Variants in SORCS3 observed in about 807,000 individuals in gnomAD.
The protein encoded by SORCS3 is VPS10 domain-containing receptor SorCS3.
A neutral mutation model predicts 146.3 loss-of-function variants in SORCS3; 57 were observed. The observed-to-expected ratio is 0.39, with a 90% CI of 0.31 to 0.49. SORCS3 has a LOEUF of 0.49. SORCS3 is among the 20% of genes least tolerant of loss of function. The pLI is 0.92. For missense variants in SORCS3, 1,341 were observed against 1,575.5 expected (o/e 0.85, Z 2.52); for synonymous variants, 653 against 618.5 (o/e 1.06, Z -0.83).
intron 11 of SORCS3, among the ~76,000 whole-genome samples, chr10:105,162,449 CCTT>C (rs1433800240): frequency 6.6e-6 from 1 of 152,198 alleles, no homozygotes; most frequent in Non-Finnish European, 1.5e-5. Context: ...TTCAAATCCT[CCTT>C]CTCTGACACC....
At chr10:105,079,259 C>T (rs1166488053) in intron 5 of SORCS3, among the ~76,000 whole-genome samples, 3 of 152,296 alleles carry the variant, frequency 2.0e-5, no homozygotes, top group Non-Finnish European at 2.9e-5. Context: ...CCAATTACTC[C>T]AGGATTTCTG....
At chr10:104,986,045 A>C (rs576471989) in intron 4 of SORCS3, among the ~76,000 whole-genome samples, 2 of 152,308 alleles carry the variant, frequency 1.3e-5, no homozygotes, top group Admixed American at 1.3e-4. Flanking sequence ...GAAGCTTTGA[A>C]GCCAGGCATT....
chr10:104,861,467 C>G (rs1402301245), intron 2 of SORCS3, among the ~76,000 whole-genome samples: 1 of 152,188 alleles, frequency 6.6e-6, no homozygotes, highest in East Asian at 1.9e-4. Flanking sequence ...CATGTTCTGC[C>G]TATGAGGGCT....
At chr10:105,185,173 C>T (rs2056467301) in intron 14 of SORCS3, among the ~76,000 whole-genome samples, 1 of 152,110 alleles carries the variant, frequency 6.6e-6, no homozygotes, top group Non-Finnish European at 1.5e-5. Flanking sequence ...ATAAAAAACA[C>T]TCCTCATTTC....
At chr10:104,643,666 G>A (rs1173926415) in intron 1 of SORCS3, among the ~76,000 whole-genome samples, 2 of 151,552 alleles carry the variant, frequency 1.3e-5, no homozygotes, top group Non-Finnish European at 2.9e-5. Flanking sequence ...TTCTCTGACA[G>A]CAGGGGTTGT....
At chr10:104,869,512 C>T (rs150911525) in intron 2 of SORCS3, among the ~76,000 whole-genome samples, 1 of 152,312 alleles carries the variant, frequency 6.6e-6, no homozygotes, top group African/African-American at 2.4e-5. Context: ...CCCTTACAGA[C>T]ACACTCAGAA....
intron 20 of SORCS3, among the ~76,000 whole-genome samples, chr10:105,245,066 C>A (rs1290194118): frequency 0.012 from 1,159 of 98,906 alleles, no homozygotes; most frequent in African/African-American, 0.017. Context: ...AAGACTCTGT[C>A]AAAAAAAAAA....
At chr10:105,171,240 C>T (rs7091373) in intron 13 of SORCS3, among the ~76,000 whole-genome samples, 32,968 of 152,062 alleles carry the variant, frequency 0.22, 3,633 homozygotes, top group African/African-American at 0.25. Flanking sequence ...TAGGCGTGAA[C>T]GCAAAACAGC....
chr10:104,887,034 G>A (rs2018695945), intron 2 of SORCS3, among the ~76,000 whole-genome samples: 1 of 152,206 alleles, frequency 6.6e-6, no homozygotes, highest in African/African-American at 2.4e-5. Flanking sequence ...TGAATATCTT[G>A]CTAAAGTATA....
intron 20 of SORCS3, among the ~76,000 whole-genome samples, chr10:105,230,411 G>A (rs1314784073): frequency 6.6e-6 from 1 of 152,114 alleles, no homozygotes; most frequent in Non-Finnish European, 1.5e-5. Context: ...GCTTTTAGTG[G>A]CAGCCATAGT....
At chr10:104,822,225 T>C in intron 1 of SORCS3, 1 of 392,712 alleles carries the variant, frequency 2.5e-6, no homozygotes. Context: ...TTTCTTATCA[T>C]GGAGGGAGAT....
At chr10:104,952,254 TGAA>T (rs1405797163) in intron 3 of SORCS3, among the ~76,000 whole-genome samples, 1 of 38,256 alleles carries the variant, frequency 2.6e-5, no homozygotes, top group African/African-American at 7.3e-5. Flanking sequence ...CATGAATGTT[TGAA>T]AAAAAAAAAA....
intron 7 of SORCS3, among the ~76,000 whole-genome samples, chr10:105,136,661 C>T (rs935793295): frequency 6.6e-6 from 1 of 152,136 alleles, no homozygotes; most frequent in Non-Finnish European, 1.5e-5. Flanking sequence ...TTCAAAAACC[C>T]TTCCATGAAC....
intron 13 of SORCS3, among the ~76,000 whole-genome samples, chr10:105,172,832 C>T (rs1350174495): frequency 1.3e-5 from 2 of 152,094 alleles, no homozygotes; most frequent in East Asian, 3.9e-4. Flanking sequence ...CTCACGGTGG[C>T]TTGATTACCT....
chr10:104,932,383 GAACTATC>G (rs1321470702), intron 3 of SORCS3, among the ~76,000 whole-genome samples: 7 of 152,186 alleles, frequency 4.6e-5, no homozygotes, highest in African/African-American at 1.7e-4. Context: ...ACATGGGCCT[GAACTATC>G]AACCCCTGGA....
intron 1 of SORCS3, among the ~76,000 whole-genome samples, chr10:104,837,094 G>T (rs1424114539): frequency 1.3e-5 from 2 of 151,830 alleles, no homozygotes; most frequent in Non-Finnish European, 2.9e-5. Flanking sequence ...TTCTTTTACT[G>T]CCATATATTT....
chr10:104,884,158 G>A (rs535678335), intron 2 of SORCS3, among the ~76,000 whole-genome samples: 1 of 152,216 alleles, frequency 6.6e-6, no homozygotes, highest in Non-Finnish European at 1.5e-5. Context: ...GGCAGGCCAA[G>A]TCAAACATTT....
intron 3 of SORCS3, among the ~76,000 whole-genome samples, chr10:104,924,860 C>T (rs1477648752): frequency 6.6e-6 from 1 of 152,156 alleles, no homozygotes; most frequent in Non-Finnish European, 1.5e-5. Flanking sequence ...GTTCTTAATA[C>T]TGTCCACTAG....
intron 1 of SORCS3, among the ~76,000 whole-genome samples, chr10:104,655,878 G>C (rs4917425): frequency 0.98 from 149,602 of 152,364 alleles, 73,468 homozygotes; most frequent in East Asian, 1. Flanking sequence ...AAGCAGAAGC[G>C]AATGTGTTTC....
Sources: gnomAD v4.1 joint callset for allele counts (sites outside exome capture counted in the v4.1 genomes callset) on GRCh38, gnomAD v4.1.1 for gene constraint, MANE v1.5 for transcripts, NCBI Gene and HGNC (gene_info 2026-07-23, HGNC 2026-07-21) for gene names.